Variants in KRT80 observed in about 807,000 individuals in gnomAD.
KRT80 encodes the protein keratin 80, also known as keratin, type II cytoskeletal 80.
In KRT80, 36 loss-of-function variants were observed where a neutral mutation model predicts 51.5. That is an observed-to-expected ratio of 0.70 (90% CI 0.54 to 0.92). KRT80 has a LOEUF of 0.92. KRT80 is among the 40% of genes least tolerant of loss of function. The probability of loss-of-function intolerance (pLI) is 0.00; values close to 1 mark genes in which losing one functional copy is unlikely to be tolerated. For synonymous variants in KRT80, 235 were observed against 248.3 expected, an observed-to-expected ratio of 0.95 and a Z score of 0.50; for missense variants, 566 against 591.7, an observed-to-expected ratio of 0.96 and a Z score of 0.45.
chr12:52,181,240 C>T lies in KRT80; in HGVS notation c.510-277G>A, dbSNP rs116868287. Among the ~76,000 whole-genome samples, 632 of 152,278 alleles carry T rather than the reference C, an allele frequency of 4.2e-3. 16 individuals carry two copies. The East Asian group carries it at 0.07, about 17-fold the overall frequency. On this transcript the variant is annotated intron_variant, in intron 2 of 8. Coordinates refer to ENST00000394815, the MANE Select transcript of KRT80 (RefSeq NM_182507.3). ...CTTTCCTGGCTCTGCTCCACACCCA[C>T]TCCCCTCCAGGAGGCCTCCCTGATT...
At chr12:52,184,213 G>T (rs1029611424) in intron 2 of KRT80, among the ~76,000 whole-genome samples, 1 of 152,206 alleles carries the variant, frequency 6.6e-6, no homozygotes, top group Admixed American at 6.5e-5. Flanking sequence ...CTGGGCCGCA[G>T]CACTGCAGGA....
intron 1 of KRT80, among the ~76,000 whole-genome samples, chr12:52,187,293 T>C (rs1941421428): frequency 6.6e-6 from 1 of 152,236 alleles, no homozygotes. Context: ...AATCGTAGCC[T>C]GCGAGAGCTG....
In KRT80 at chr12:52,169,474, AC is replaced by A. The variant is rs1379069967; in HGVS notation, c.*1923del. On this transcript the variant is annotated 3_prime_UTR_variant, in exon 9 of 9. Transcript: ENST00000394815. ...TAATGTTCCATGATCAGCCTGATTG[AC>A]CAGTGGCTGACTGGTCCTGAGAGGG... The A allele has an allele frequency of 6.6e-6, 1 of 152,644 alleles. No homozygotes were observed. Among genetic ancestry groups the A allele is most frequent in the Non-Finnish European group, 1.5e-5 (1 of 68,042 alleles). 9.5% of individuals were successfully genotyped at this position (152,644 alleles called of 1,614,324 possible).
At position 52,173,137 on chromosome 12, in the gene KRT80, G is replaced by A. The variant is rs201757130; in HGVS notation, c.858C>T (p.Ala286=). ...SQLEEQAARS[A]EYGSSLQSSR... Reference sequence around the variant, plus strand: ...TGCTCTGGAGGCTGCTCCCATACTCGGCCGAGCGGGCGGCCTGCTCCTCCA... The same window carrying A: ...TGCTCTGGAGGCTGCTCCCATACTCAGCCGAGCGGGCGGCCTGCTCCTCCA... Residue 286 remains alanine, a synonymous_variant, in exon 6 of 9, where the codon GCC becomes GCT. Transcript: ENST00000394815. 7 of 1,610,896 alleles carry A rather than the reference G, an allele frequency of 4.3e-6. No individual in the cohort carries two copies. Among genetic ancestry groups the A allele is most frequent in the Admixed American group, 1.7e-5 (1 of 59,824 alleles).
At position 52,173,619 on chromosome 12, in the gene KRT80, T is replaced by G. The variant is rs1941160013; in HGVS notation, c.812A>C (p.Glu271Ala). ...CCCCACCTGGCTCCGAGAGTATGCC[T>G]CGGCCTCCTCCAGGCTGCGAGCCGC... ...AVAARSLEEA[E>A]AYSRSQLEEQ... Residue 271 changes from glutamate (E) to alanine (A), a missense_variant, in exon 5 of 9, where the codon GAG becomes GCG. Transcript: ENST00000394815. 6.2e-7 allele frequency: 1 copy of G among 1,612,450 alleles called. No individual in the cohort carries two copies.
chr12:52,185,261 G>T, intron 2 of KRT80, 118 bp downstream of exon 2: 1 of 997,328 alleles, frequency 1.0e-6, no homozygotes, highest in Non-Finnish European at 1.5e-6. Context: ...AAATGTCTCA[G>T]GTAAAGAAAT....
intron 4 of KRT80, among the ~76,000 whole-genome samples, chr12:52,177,161 C>T (rs764410173): frequency 2.0e-5 from 3 of 152,154 alleles, no homozygotes; most frequent in Admixed American, 6.5e-5. Flanking sequence ...AGATTAAGTC[C>T]GGAAAACACT....
chr12:52,191,496 G>A, intron 1 of KRT80, 107 bp downstream of exon 1: 1 of 1,112,626 alleles, frequency 9.0e-7, no homozygotes. Context: ...CCCATTGGCT[G>A]GGTGCAGGGG....
chr12:52,187,937 A>G (rs534053104), intron 1 of KRT80, among the ~76,000 whole-genome samples: 2 of 152,270 alleles, frequency 1.3e-5, no homozygotes, highest in African/African-American at 4.8e-5. Flanking sequence ...TCTAACCTCA[A>G]TTCCCTATGC....
At position 52,170,623 on chromosome 12, in the gene KRT80, T is replaced by C. The variant is rs545855537; in HGVS notation, c.*775A>G. ...TCCTGCCCAATCTCAAGCTGCCATC[T>C]GGCTTCCACTCCCAGGGAGTTGATT... On this transcript the variant is annotated 3_prime_UTR_variant, in exon 9 of 9. Transcript: ENST00000394815. The C allele has an allele frequency of 3.9e-5, 6 of 152,418 alleles. No homozygotes were observed. In the East Asian group the frequency reaches 1.2e-3, roughly 29 times the overall value. The allele number at this position is 152,418 out of a possible 1,614,324, so 9.4% of individuals were successfully genotyped here.
At chr12:52,187,159 C>T (rs1319696549) in intron 1 of KRT80, among the ~76,000 whole-genome samples, 6 of 152,234 alleles carry the variant, frequency 3.9e-5, no homozygotes, top group African/African-American at 7.2e-5. Context: ...GCCTGGCTCC[C>T]GTCAGTGTGG....
At chr12:52,173,449 C>A (rs566554341) in intron 5 of KRT80, 151 bp downstream of exon 5, 3 of 792,744 alleles carry the variant, frequency 3.8e-6, no homozygotes, top group South Asian at 3.4e-5. Context: ...GGTCTCCCCC[C>A]GCCCGCCCCG....
Position 52,185,581 on chromosome 12 carries a change from C to T in KRT80, c.307G>A (p.Ala103Thr). ...AGCAGCTGGTTGCGCTGTTCCAGGG[C>T]TTGCACCTGGGAGAGCAGGAAGGCG... is the stretch of plus-strand genomic sequence containing the variant. ...KFASLIGKVQ[A>T]LEQRNQLLET... The change falls in exon 2 of 9, where the codon GCC becomes ACC. Residue 103 changes from alanine to threonine, a missense_variant. Physicochemically the swap from Ala to Thr is moderately conservative, Grantham distance 58 (BLOSUM62 0). Transcript: ENST00000394815. The T allele has an allele frequency of 6.2e-7, 1 of 1,608,098 alleles. No individual in the cohort carries two copies. Among genetic ancestry groups the T allele is most frequent in the Non-Finnish European group, 8.5e-7 (1 of 1,179,936 alleles).
chr12:52,185,632 C>T (rs565521208), intron 1 of KRT80, 45 bp from the exon 2 acceptor site: 30 of 1,584,562 alleles, frequency 1.9e-5, no homozygotes, highest in South Asian at 5.6e-5. Flanking sequence ...GTGGACCAGT[C>T]GGGGGCTGAG....
rs149744181 is a variant in KRT80, at chr12:52,174,729, G to A, written c.667-965C>T. Reference sequence around the variant, plus strand: ...GCTGCTGCTGTGACGCTCCCTTAGCGGATGGAGACAAGGGGCTGACACCTT... The same window carrying A: ...GCTGCTGCTGTGACGCTCCCTTAGCAGATGGAGACAAGGGGCTGACACCTT... On this transcript the variant is annotated intron_variant, in intron 4 of 8. Coordinates refer to ENST00000394815, the MANE Select transcript of KRT80 (RefSeq NM_182507.3). 4.5e-3 allele frequency among the ~76,000 whole-genome samples: 680 copies of A among 152,332 alleles called. 6 individuals are homozygous for A. Among genetic ancestry groups the A allele is most frequent in the African/African-American group, 0.015 (609 of 41,572 alleles).
chr12:52,183,397 C>T (rs1381893445), intron 2 of KRT80, among the ~76,000 whole-genome samples: 3 of 152,220 alleles, frequency 2.0e-5, no homozygotes, highest in Non-Finnish European at 4.4e-5. Flanking sequence ...TCATCGGCTC[C>T]GTAGAGACAG....
chr12:52,177,332 T>A (rs1009464356), intron 4 of KRT80, among the ~76,000 whole-genome samples: 4 of 152,132 alleles, frequency 2.6e-5, no homozygotes, highest in African/African-American at 7.2e-5. Flanking sequence ...AGCACTGGCT[T>A]TTCTCTGCAG....
intron 2 of KRT80, among the ~76,000 whole-genome samples, chr12:52,184,072 G>A (rs1941364856): frequency 1.3e-5 from 2 of 152,232 alleles, no homozygotes; most frequent in South Asian, 2.1e-4. Context: ...CTGGGGAGAG[G>A]CGATGGGTAA....
rs113324551 is a variant in KRT80, at chr12:52,180,730, G to A, written c.571-122C>T. 1.9e-4 allele frequency: 300 copies of A among 1,598,630 alleles called. No homozygotes were observed. In the African/African-American group the frequency reaches 3.7e-3, roughly 20 times the overall value. ...GATTCCAGAGGAGATCTGGCTCAGAGCCTCGAAAAAGGAGCTGGATGGGGA... is the reference window on the plus strand; with the variant it reads ...GATTCCAGAGGAGATCTGGCTCAGAACCTCGAAAAAGGAGCTGGATGGGGA... On this transcript the variant is annotated intron_variant, in intron 3 of 8. Coordinates refer to ENST00000394815, the MANE Select transcript of KRT80 (RefSeq NM_182507.3).
Sources: allele counts gnomAD v4.1 joint callset (sites outside exome capture counted in the v4.1 genomes callset), GRCh38; gene constraint gnomAD v4.1.1; transcripts MANE v1.5; gene names NCBI Gene and HGNC (gene_info 2026-07-23, HGNC 2026-07-21).